The following TRHDE variants were observed in gnomAD, a reference collection of about 807,000 sequenced individuals.
TRHDE encodes the protein thyrotropin releasing hormone degrading enzyme, also known as thyrotropin-releasing hormone-degrading ectoenzyme.
In TRHDE, 72 loss-of-function variants were observed where a neutral mutation model predicts 125.7. The ratio of observed to expected loss-of-function variants is 0.57; its 90% CI spans 0.47 to 0.70. The LOEUF is 0.70. Ranked by LOEUF, TRHDE falls within the 30% of genes least tolerant of loss-of-function variation. The pLI is 0.00. For synonymous variants in TRHDE, 509 were observed against 509.1 expected, an observed-to-expected ratio of 1.00 and a Z score of 0.00; for missense variants, 1,110 against 1,327.1, an observed-to-expected ratio of 0.84 and a Z score of 2.54.
chr12:72,310,385 T>C (rs1389944668), intron 2 of TRHDE, among the ~76,000 whole-genome samples: 1 of 152,252 alleles, frequency 6.6e-6, no homozygotes, highest in African/African-American at 2.4e-5. Flanking sequence ...CGTTCAACCA[T>C]TGCTGATTGC....
chr12:72,378,255 A>T (rs1871987655), intron 3 of TRHDE, 134 bp downstream of exon 3: 1 of 952,300 alleles, frequency 1.1e-6, no homozygotes, highest in Non-Finnish European at 1.5e-6. Context: ...GCACAAAAAA[A>T]AATTTCTTTT....
intron 1 of TRHDE, among the ~76,000 whole-genome samples, chr12:72,104,885 C>A (rs554281065): frequency 2.0e-5 from 3 of 152,286 alleles, no homozygotes; most frequent in African/African-American, 7.2e-5. Context: ...ATCCATATTT[C>A]CACTTCACAT....
At chr12:72,334,636 T>A (rs1869750857) in intron 2 of TRHDE, among the ~76,000 whole-genome samples, 1 of 152,200 alleles carries the variant, frequency 6.6e-6, no homozygotes, top group South Asian at 2.1e-4. Flanking sequence ...TCTTGTCTGA[T>A]CCATATCCAG....
At chr12:72,574,389 C>T (rs948047727) in intron 10 of TRHDE, among the ~76,000 whole-genome samples, 6 of 151,692 alleles carry the variant, frequency 4.0e-5, no homozygotes, top group African/African-American at 1.2e-4. Context: ...TATGTCTGTG[C>T]GTATGTGTAT....
At chr12:72,210,340 A>T (rs1008424131) in intron 2 of TRHDE, among the ~76,000 whole-genome samples, 3 of 152,080 alleles carry the variant, frequency 2.0e-5, no homozygotes, top group Non-Finnish European at 4.4e-5. Flanking sequence ...GATGATCGCC[A>T]TTGTTTCCCT....
chr12:72,344,263 C>T (rs1362690703), intron 2 of TRHDE, among the ~76,000 whole-genome samples: 1 of 152,062 alleles, frequency 6.6e-6, no homozygotes, highest in African/African-American at 2.4e-5. Flanking sequence ...TAATATTTCT[C>T]TCATAGAGGT....
chr12:72,184,324 C>T (rs79233324), intron 2 of TRHDE, among the ~76,000 whole-genome samples: 1 of 152,134 alleles, frequency 6.6e-6, no homozygotes, highest in East Asian at 1.9e-4. Flanking sequence ...CTTCCAGTTC[C>T]TTCTCTTCCA....
At chr12:72,515,746 G>T (rs990249780) in intron 6 of TRHDE, among the ~76,000 whole-genome samples, 3 of 151,948 alleles carry the variant, frequency 2.0e-5, no homozygotes, top group Admixed American at 1.3e-4. Flanking sequence ...TAATGCCTAG[G>T]TTTTCTTCTA....
At chr12:72,202,070 C>G (rs774885456) in intron 2 of TRHDE, among the ~76,000 whole-genome samples, 1 of 152,158 alleles carries the variant, frequency 6.6e-6, no homozygotes, top group Non-Finnish European at 1.5e-5. Flanking sequence ...CGGCAAGAAC[C>G]TATATGGGAA....
chr12:72,186,836 T>G (rs1482576963), intron 2 of TRHDE, among the ~76,000 whole-genome samples: 2 of 151,812 alleles, frequency 1.3e-5, no homozygotes, highest in African/African-American at 2.4e-5. Context: ...TTTATTGGCG[T>G]GGGGGGTAGC....
intron 2 of TRHDE, among the ~76,000 whole-genome samples, chr12:72,296,884 C>T (rs1880321277): frequency 6.6e-6 from 1 of 152,016 alleles, no homozygotes; most frequent in Non-Finnish European, 1.5e-5. Flanking sequence ...TTTAAGCGTG[C>T]TAGTTAAGAG....
intron 2 of TRHDE, among the ~76,000 whole-genome samples, chr12:72,155,126 C>T (rs1307689677): frequency 2.0e-5 from 3 of 152,192 alleles, no homozygotes; most frequent in Non-Finnish European, 2.9e-5. Context: ...CTTCTCTTCT[C>T]ACTTCATTTC....
intron 7 of TRHDE, 92 bp downstream of exon 7, chr12:72,542,448 G>A: frequency 9.7e-7 from 1 of 1,032,828 alleles, no homozygotes; most frequent in Non-Finnish European, 1.4e-6. Flanking sequence ...TGCTGAACTT[G>A]GTGGAAAACT....
chr12:72,540,042 C>G (rs1869063457), intron 6 of TRHDE, among the ~76,000 whole-genome samples: 1 of 151,638 alleles, frequency 6.6e-6, no homozygotes, highest in Non-Finnish European at 1.5e-5. Flanking sequence ...TGAGCTCTGC[C>G]TGTGTTAGGG....
At chr12:72,425,425 A>G (rs1391937971) in intron 3 of TRHDE, among the ~76,000 whole-genome samples, 2 of 152,124 alleles carry the variant, frequency 1.3e-5, no homozygotes, top group African/African-American at 4.8e-5. Flanking sequence ...AGAATTTGAA[A>G]GAATCTGTTA....
intron 3 of TRHDE, among the ~76,000 whole-genome samples, chr12:72,412,347 T>C (rs1352619682): frequency 6.6e-6 from 1 of 152,160 alleles, no homozygotes; most frequent in African/African-American, 2.4e-5. Context: ...ATTTTATTAA[T>C]AATTAGAGAA....
intron 7 of TRHDE, among the ~76,000 whole-genome samples, chr12:72,553,879 G>A (rs1253623846): frequency 8.1e-6 from 1 of 124,058 alleles, no homozygotes; most frequent in Non-Finnish European, 1.6e-5. Flanking sequence ...TTGGAGTTTC[G>A]CTCTTGTCAC....
At chr12:72,208,568 C>G (rs1377724847) in intron 2 of TRHDE, among the ~76,000 whole-genome samples, 1 of 152,154 alleles carries the variant, frequency 6.6e-6, no homozygotes, top group Non-Finnish European at 1.5e-5. Flanking sequence ...TCAAATCTAG[C>G]TCTACTACTT....
At chr12:72,559,906 T>C (rs1397686797) in intron 7 of TRHDE, among the ~76,000 whole-genome samples, 21 of 152,230 alleles carry the variant, frequency 1.4e-4, no homozygotes, top group Admixed American at 1.4e-3. Context: ...ATCTCAGTAT[T>C]TGTAGTTGTT....
Sources: gnomAD v4.1 joint callset for allele counts (sites outside exome capture counted in the v4.1 genomes callset) on GRCh38, gnomAD v4.1.1 for gene constraint, MANE v1.5 for transcripts, NCBI Gene and HGNC (gene_info 2026-07-23, HGNC 2026-07-21) for gene names.